Variants in AGBL1 observed in about 807,000 individuals in gnomAD.
AGBL1 encodes the protein cytosolic carboxypeptidase 4.
A neutral mutation model predicts 118.9 loss-of-function variants in AGBL1; 130 were observed. The ratio of observed to expected loss-of-function variants is 1.09; its 90% CI spans 0.95 to 1.26. The LOEUF (loss-of-function observed/expected upper bound fraction) is 1.26, where lower values mean the gene tolerates loss of function less well. Among genes scored for constraint, AGBL1 ranks in the 50% most tolerant of loss-of-function variants. AGBL1 has a pLI of 0.00. For missense variants in AGBL1, 1,584 were observed against 1,298.1 expected (o/e 1.22, Z -3.38); for synonymous variants, 555 against 478.9 (o/e 1.16, Z -2.08).
Position 86,828,824 on chromosome 15 carries a change from C to A in AGBL1, c.3159-78263C>A, listed in dbSNP as rs531949212. ...ATCAGCAAAAAGGATTAACACAGTG[C>A]AAATTACTCACTGCCTGCACCAAGG... On this transcript the variant is annotated intron_variant, in intron 22 of 22. Coordinates refer to ENST00000614907, the MANE Select transcript of AGBL1 (RefSeq NM_001386094.1). Among the ~76,000 whole-genome samples, 369 of 151,260 alleles carry A rather than the reference C, an allele frequency of 2.4e-3. 3 individuals are homozygous for A. The highest frequency in any genetic ancestry group is 8.8e-3 in the African/African-American group (361 of 41,218).
At chr15:86,212,682 C>T (rs937626831) in intron 5 of AGBL1, among the ~76,000 whole-genome samples, 4 of 152,166 alleles carry the variant, frequency 2.6e-5, no homozygotes, top group African/African-American at 9.7e-5. Flanking sequence ...CAGAGTCTCA[C>T]TCTGTTGCCC....
At position 86,256,913 on chromosome 15, in the gene AGBL1, C is replaced by T. The variant is rs935027822; in HGVS notation, c.796C>T (p.Gln266Ter). 2 of 1,613,814 alleles carry T rather than the reference C, an allele frequency of 1.2e-6. No homozygotes were observed. Among genetic ancestry groups the T allele is most frequent in the African/African-American group, 2.7e-5 (2 of 74,926 alleles). ...VISVVLQILR[Q>*]CYPTSPLPLV... ...CTCTGTGGTGCTTCAGATCCTGAGG[C>T]AGTGCTACCCTACGAGTCCACTTCC... The change falls in exon 8 of 23, where the codon CAG (glutamine) becomes TAG (stop). Residue 266 changes from glutamine (Q) to a stop codon, truncating the protein, a stop_gained. Coordinates refer to ENST00000614907, the MANE Select transcript of AGBL1 (RefSeq NM_001386094.1). LOFTEE classifies it high-confidence loss of function.
At chr15:86,520,800 G>A (rs1258441081) in intron 18 of AGBL1, among the ~76,000 whole-genome samples, 1 of 152,172 alleles carries the variant, frequency 6.6e-6, no homozygotes, top group Non-Finnish European at 1.5e-5. Flanking sequence ...AGAATCCTGG[G>A]GCTCTGGGAT....
chr15:86,893,107 G>A (rs537853786), intron 22 of AGBL1, among the ~76,000 whole-genome samples: 5 of 152,248 alleles, frequency 3.3e-5, no homozygotes, highest in Non-Finnish European at 5.9e-5. Context: ...CTCTTTTCTC[G>A]CCTGCAAAAA....
chr15:86,323,161 ATT>A (rs35325465), intron 17 of AGBL1, among the ~76,000 whole-genome samples: 1 of 147,646 alleles, frequency 6.8e-6, no homozygotes, highest in Admixed American at 6.8e-5. Flanking sequence ...CAGCATAGTG[ATT>A]TTTTTTTTTT....
chr15:86,495,779 G>GCATCT (rs1281847144), intron 18 of AGBL1, among the ~76,000 whole-genome samples: 20 of 151,346 alleles, frequency 1.3e-4, no homozygotes, highest in Non-Finnish European at 2.5e-4. Flanking sequence ...TCTCTGTTTG[G>GCATCT]TATATAATTT....
rs1372067534 is a variant in AGBL1 at position 86,143,693 on chromosome 15, C to G, written c.116-6C>G. On this transcript the variant is annotated splice_region_variant and splice_polypyrimidine_tract_variant and intron_variant, in intron 2 of 22. Transcript: ENST00000614907. The stretch of plus-strand genomic sequence containing the variant: ...GTGGCTCATCTTTCCTCCGGTTTCC[C>G]CTCAGGCACAGACCGGAGAATTCAC... The G allele has an allele frequency of 6.2e-7, 1 of 1,612,804 alleles. No individual in the cohort carries two copies. The highest frequency in any genetic ancestry group is 1.3e-5 in the African/African-American group (1 of 74,896).
At chr15:86,424,919 G>A (rs1293737295) in intron 18 of AGBL1, among the ~76,000 whole-genome samples, 1 of 152,182 alleles carries the variant, frequency 6.6e-6, no homozygotes, top group Non-Finnish European at 1.5e-5. Context: ...TGGAGAAATA[G>A]GCATGCTTTT....
rs1041795375 is a variant in AGBL1, at chr15:86,631,443, A to G, written c.2995-42830A>G. ...TAAAGGAACTCAGAGGGGCTGAGAG[A>G]GATTCAGAGAGATTGTGTGACTTGC... On this transcript the variant is annotated intron_variant, in intron 21 of 22. Transcript: ENST00000614907. Among the ~76,000 whole-genome samples the G allele has an allele frequency of 7.9e-5, 12 of 152,202 alleles. 1 individual carries two copies. The highest frequency in any genetic ancestry group is 2.9e-4 in the African/African-American group (12 of 41,456).
chr15:86,848,014 A>G lies in AGBL1; in HGVS notation c.3159-59073A>G, dbSNP rs74497773. Among the ~76,000 whole-genome samples, 378 of 152,282 alleles carry G rather than the reference A, an allele frequency of 2.5e-3. 3 individuals carry two copies. Among genetic ancestry groups the G allele is most frequent in the African/African-American group, 8.4e-3 (351 of 41,558 alleles). Reference sequence around the variant, plus strand: ...ACAGAGATACCTATAAACACGGACAATGCTGCTTAGTGTGGGGTGTTTTTT... The same window carrying G: ...ACAGAGATACCTATAAACACGGACAGTGCTGCTTAGTGTGGGGTGTTTTTT... On this transcript the variant is annotated intron_variant, in intron 22 of 22. Coordinates refer to ENST00000614907, the MANE Select transcript of AGBL1 (RefSeq NM_001386094.1).
intron 17 of AGBL1, among the ~76,000 whole-genome samples, chr15:86,337,598 A>T (rs527386829): frequency 4.7e-4 from 71 of 152,310 alleles, no homozygotes; most frequent in African/African-American, 1.7e-3. Flanking sequence ...CAGCAAACTA[A>T]CACAGGAACA....
At chr15:86,979,305 C>T (rs1310088909) in intron 23 of AGBL1, among the ~76,000 whole-genome samples, 1 of 152,102 alleles carries the variant, frequency 6.6e-6, no homozygotes, top group Admixed American at 6.5e-5. Flanking sequence ...TTCGAGTGCA[C>T]CTTATTTCAA....
At chr15:86,922,400 C>T (rs1031216609) in intron 23 of AGBL1, among the ~76,000 whole-genome samples, 1 of 152,186 alleles carries the variant, frequency 6.6e-6, no homozygotes, top group Admixed American at 6.5e-5. Context: ...AAGAAATTCT[C>T]CTCTCTCAGC....
chr15:86,383,247 TA>T (rs4035838), intron 17 of AGBL1, among the ~76,000 whole-genome samples: 30,702 of 54,314 alleles, frequency 0.57, 6,769 homozygotes, highest in Middle Eastern at 0.65. Context: ...ATTCAGTATG[TA>T]AAAAAAAAAA....
chr15:86,347,633 A>G (rs563983968), intron 17 of AGBL1, among the ~76,000 whole-genome samples: 2 of 152,216 alleles, frequency 1.3e-5, no homozygotes, highest in African/African-American at 2.4e-5. Context: ...AAGATGTTGC[A>G]TGTATATTTT....
chr15:87,018,810 G>A (rs1042541784), intron 24 of AGBL1, among the ~76,000 whole-genome samples: 19 of 152,030 alleles, frequency 1.2e-4, no homozygotes, highest in Admixed American at 3.9e-4. Context: ...ATGCCCCAAT[G>A]AAAAGGCACA....
At chr15:86,392,169 CA>C in intron 17 of AGBL1, among the ~76,000 whole-genome samples, 1 of 152,194 alleles carries the variant, frequency 6.6e-6, no homozygotes, top group South Asian at 2.1e-4. Flanking sequence ...CAGCCACATA[CA>C]AATGGGATCT....
At chr15:86,918,481 T>G (rs1255820937), downstream of AGBL1, among the ~76,000 whole-genome samples, 1 of 151,656 alleles carries the variant, frequency 6.6e-6, no homozygotes, top group African/African-American at 2.4e-5. Flanking sequence ...CAATTAGAAA[T>G]GGATCCGTAT....
rs868525342 is a variant in AGBL1 at position 86,474,575 on chromosome 15, A to C, written c.2556-48235A>C. Reference sequence around the variant, plus strand: ...GCTTGAGTAGGTAAACAAAGCTGCCAGGAAGCTCGAACTGGGTGGAGCCCA... The same window carrying C: ...GCTTGAGTAGGTAAACAAAGCTGCCCGGAAGCTCGAACTGGGTGGAGCCCA... On this transcript the variant is annotated intron_variant, in intron 18 of 22. Transcript: ENST00000614907. 1.4e-4 allele frequency among the ~76,000 whole-genome samples: 22 copies of C among 152,330 alleles called. No individual in the cohort carries two copies. The Middle Eastern group carries it at 0.014, about 94-fold the overall frequency.
Sources: gnomAD v4.1 joint callset for allele counts (sites outside exome capture counted in the v4.1 genomes callset) on GRCh38, gnomAD v4.1.1 for gene constraint, MANE v1.5 for transcripts, NCBI Gene and HGNC (gene_info 2026-07-23, HGNC 2026-07-21) for gene names.